The following ADD3 variants were observed in gnomAD, a reference collection of about 807,000 sequenced individuals.
The protein encoded by ADD3 is gamma-adducin.
ADD3 carries 25 observed loss-of-function variants against 80.2 expected under a neutral mutation model. The observed-to-expected ratio is 0.31, with a 90% confidence interval of 0.23 to 0.44. The LOEUF (loss-of-function observed/expected upper bound fraction) is 0.44, where lower values mean the gene tolerates loss of function less well. ADD3 is among the 20% of genes least tolerant of loss of function. The pLI, the probability that ADD3 is intolerant of heterozygous loss-of-function variation, is 1.00. For missense variants in ADD3, 829 were observed against 847.5 expected (o/e 0.98, Z 0.27); for synonymous variants, 284 against 289.6 (o/e 0.98, Z 0.20).
At position 110,124,373 on chromosome 10, in the gene ADD3, ATAT is replaced by A. The variant is rs1221486468; in HGVS notation, c.1401+102_1401+104del. The A allele has an allele frequency of 1.1e-5, 14 of 1,311,938 alleles. No homozygotes were observed. The Middle Eastern group carries it at 6.6e-4, about 62-fold the overall frequency. The allele number at this position is 1,311,938 out of a possible 1,614,324, so 81.3% of individuals were successfully genotyped here. A position where few individuals can be genotyped will look rare whatever the true frequency, so the allele number is the denominator to read the frequency against. On this transcript the variant is annotated intron_variant, in intron 10 of 14. Coordinates refer to ENST00000356080, the MANE Select transcript of ADD3 (RefSeq NM_016824.5). ...TTGAAAATATTTGGAAAGTAAAATA[ATAT>A]TAAAAATATTACTGTCACTTATCTG...
chr10:110,098,183 G>T (rs1269069135), intron 1 of ADD3, among the ~76,000 whole-genome samples: 1 of 152,136 alleles, frequency 6.6e-6, no homozygotes, highest in Non-Finnish European at 1.5e-5. Context: ...GAGGAGCCTG[G>T]TCTTCTGTAG....
chr10:110,036,673 T>TC (rs1855704364), intron 1 of ADD3, among the ~76,000 whole-genome samples: 1 of 152,006 alleles, frequency 6.6e-6, no homozygotes, highest in Admixed American at 6.6e-5. Context: ...CGCCCAGCCT[T>TC]CTTTTTTTTT....
chr10:110,105,205 A>G (rs544760654), intron 2 of ADD3, among the ~76,000 whole-genome samples: 129 of 152,258 alleles, frequency 8.5e-4, no homozygotes, highest in African/African-American at 3.0e-3. Flanking sequence ...TAAAATATTT[A>G]TCTTAGAAAT....
intron 3 of ADD3, among the ~76,000 whole-genome samples, chr10:110,115,395 AAAAC>A (rs1181987146): frequency 6.6e-6 from 1 of 152,146 alleles, no homozygotes; most frequent in African/African-American, 2.4e-5. Flanking sequence ...GTCTCAAAAA[AAAAC>A]AAAACAAGCA....
chr10:110,110,491 T>C (rs1849878735), intron 2 of ADD3, among the ~76,000 whole-genome samples: 1 of 152,142 alleles, frequency 6.6e-6, no homozygotes, highest in Non-Finnish European at 1.5e-5. Context: ...CAGGGAGGGA[T>C]CTTCCGGTGC....
intron 1 of ADD3, among the ~76,000 whole-genome samples, chr10:109,998,266 C>G (rs923478250): frequency 6.6e-6 from 1 of 152,188 alleles, no homozygotes; most frequent in Non-Finnish European, 1.5e-5. Context: ...TACCATCCAT[C>G]AAGACACTAA....
intron 1 of ADD3, among the ~76,000 whole-genome samples, chr10:110,024,043 T>C (rs910659832): frequency 1.3e-5 from 2 of 152,152 alleles, no homozygotes; most frequent in Non-Finnish European, 2.9e-5. Context: ...GGATAAGGGC[T>C]GAAAAACTGT....
At chr10:110,123,014 A>G (rs759162543) in intron 9 of ADD3, among the ~76,000 whole-genome samples, 20 of 152,128 alleles carry the variant, frequency 1.3e-4, no homozygotes, top group Non-Finnish European at 1.2e-4. Flanking sequence ...ATTTAATACA[A>G]TGTCCTCTAG....
chr10:110,050,002 A>G (rs1012086291), intron 1 of ADD3, among the ~76,000 whole-genome samples: 1 of 152,148 alleles, frequency 6.6e-6, no homozygotes, highest in Non-Finnish European at 1.5e-5. Flanking sequence ...TATTTACCCA[A>G]TGCCTGGACC....
At chr10:110,112,616 C>T (rs1850191063) in intron 2 of ADD3, among the ~76,000 whole-genome samples, 161 bp from the exon 3 acceptor site, 4 of 152,142 alleles carry the variant, frequency 2.6e-5, no homozygotes, top group African/African-American at 9.7e-5. Context: ...CTGCTTCTTG[C>T]AGTGCTTTGA....
intron 9 of ADD3, 148 bp from the exon 10 acceptor site, chr10:110,123,869 A>G: frequency 2.6e-6 from 2 of 763,826 alleles, no homozygotes; most frequent in South Asian, 1.9e-5. Flanking sequence ...GTGTTACATG[A>G]AAGTTATGTG....
At chr10:110,004,773 T>A (rs1851565086), upstream of ADD3, among the ~76,000 whole-genome samples, 1 of 152,202 alleles carries the variant, frequency 6.6e-6, no homozygotes, top group Non-Finnish European at 1.5e-5. Flanking sequence ...CTATTCATAT[T>A]TTGAGATCAC....
At chr10:110,131,974 AT>A (rs1297653203) in intron 13 of ADD3, among the ~76,000 whole-genome samples, 1 of 152,080 alleles carries the variant, frequency 6.6e-6, no homozygotes, top group African/African-American at 2.4e-5. Context: ...AGGCTTTATA[AT>A]TTTTTTCATC....
intron 1 of ADD3, among the ~76,000 whole-genome samples, chr10:110,077,541 T>A (rs150260333): frequency 6.6e-6 from 1 of 152,152 alleles, no homozygotes; most frequent in Admixed American, 6.5e-5. Context: ...GTTCATTGAA[T>A]TAAAAAAAAG....
chr10:110,019,177 C>A (rs928680577), intron 1 of ADD3, among the ~76,000 whole-genome samples: 1 of 152,006 alleles, frequency 6.6e-6, no homozygotes, highest in Non-Finnish European at 1.5e-5. Flanking sequence ...GGAGTTGATA[C>A]GAGATATGAC....
chr10:110,085,211 CTT>C (rs372187506), intron 1 of ADD3, among the ~76,000 whole-genome samples: 2 of 152,220 alleles, frequency 1.3e-5, no homozygotes, highest in African/African-American at 4.8e-5. Context: ...GCCTAGACCT[CTT>C]TAAATGCACC....
intron 10 of ADD3, 99 bp from the exon 11 acceptor site, chr10:110,125,727 A>G (rs1852063481): frequency 1.2e-6 from 1 of 827,010 alleles, no homozygotes; most frequent in African/African-American, 1.7e-5. Flanking sequence ...TTATTTAAAC[A>G]TTGGCAATGC....
chr10:110,041,287 G>A (rs574271616), intron 1 of ADD3, among the ~76,000 whole-genome samples: 1 of 152,184 alleles, frequency 6.6e-6, no homozygotes, highest in African/African-American at 2.4e-5. Context: ...GGAGGCAGAT[G>A]AGGTTTTCCA....
At chr10:110,053,314 A>G (rs1411473898) in intron 1 of ADD3, among the ~76,000 whole-genome samples, 5 of 152,000 alleles carry the variant, frequency 3.3e-5, no homozygotes, top group Non-Finnish European at 7.4e-5. Context: ...TGTTGTGGCA[A>G]ATGATAATGG....
Sources: allele counts gnomAD v4.1 joint callset (sites outside exome capture counted in the v4.1 genomes callset), GRCh38; gene constraint gnomAD v4.1.1; transcripts MANE v1.5; gene names NCBI Gene and HGNC (gene_info 2026-07-23, HGNC 2026-07-21).